The following NCALD variants were observed in gnomAD, a reference collection of about 807,000 sequenced individuals.
NCALD encodes neurocalcin-delta.
A neutral mutation model predicts 18.6 loss-of-function variants in NCALD; 10 were observed. That is an observed-to-expected ratio of 0.54 (90% confidence interval 0.33 to 0.91). The LOEUF is 0.91. NCALD is among the 40% of genes least tolerant of loss of function. NCALD has a pLI of 0.03. For missense variants in NCALD, 184 were observed against 247.6 expected (o/e 0.74, Z 1.72); for synonymous variants, 88 against 87.4 (o/e 1.01, Z -0.04).
chr8:102,001,601 A>G (rs1380135339), intron 2 of NCALD, among the ~76,000 whole-genome samples: 1 of 152,232 alleles, frequency 6.6e-6, no homozygotes, highest in African/African-American at 2.4e-5. Flanking sequence ...GAAATGATGG[A>G]AAAAATGTTA....
At chr8:101,968,160 T>C (rs1820104127) in intron 2 of NCALD, among the ~76,000 whole-genome samples, 1 of 152,156 alleles carries the variant, frequency 6.6e-6, no homozygotes, top group Admixed American at 6.5e-5. Context: ...AGCCCCAAAC[T>C]CTGGAGTCGG....
Position 102,098,601 on chromosome 8 carries a change from T to C in NCALD, c.-210+25636A>G, listed in dbSNP as rs547834825. 3.3e-5 allele frequency among the ~76,000 whole-genome samples: 5 copies of C among 152,356 alleles called. No individual in the cohort carries two copies. The South Asian group carries it at 8.3e-4, about 25-fold the overall frequency. ...ACATTCATTTAATCAGCAACCATAA[T>C]TGAGCAACTTTGGTAGGCCTCGTGT... is the stretch of plus-strand genomic sequence containing the variant. On this transcript the variant is annotated intron_variant, in intron 1 of 6. Coordinates refer to the NCALD transcript ENST00000311028.
intron 2 of NCALD, among the ~76,000 whole-genome samples, chr8:101,942,311 A>G (rs945771954): frequency 9.2e-5 from 14 of 152,176 alleles, no homozygotes; most frequent in African/African-American, 3.1e-4. Flanking sequence ...TTCAACACCA[A>G]TCTTGAGGCC....
intron 2 of NCALD, among the ~76,000 whole-genome samples, chr8:101,941,255 C>T (rs1194944719): frequency 2.0e-5 from 3 of 152,178 alleles, no homozygotes; most frequent in Non-Finnish European, 4.4e-5. Flanking sequence ...AACTGTTCCA[C>T]CTCAGATAAT....
chr8:102,016,303 C>A (rs934514599), intron 2 of NCALD, among the ~76,000 whole-genome samples: 1 of 152,168 alleles, frequency 6.6e-6, no homozygotes, highest in South Asian at 2.1e-4. Context: ...AGCAGGAACA[C>A]TAACAAAGCC....
intron 1 of NCALD, among the ~76,000 whole-genome samples, chr8:101,758,151 T>C (rs1331557676): frequency 6.6e-6 from 1 of 152,162 alleles, no homozygotes; most frequent in Non-Finnish European, 1.5e-5. Flanking sequence ...AAATCCCCAC[T>C]GTCTTCAATG....
At chr8:102,068,260 T>C (rs1055233286) in intron 1 of NCALD, among the ~76,000 whole-genome samples, 9 of 152,186 alleles carry the variant, frequency 5.9e-5, no homozygotes, top group Non-Finnish European at 1.0e-4. Context: ...CCTCCTTGGC[T>C]GCCCAGTGCA....
At chr8:102,108,369 A>G (rs1001048502) in intron 1 of NCALD, among the ~76,000 whole-genome samples, 2 of 152,218 alleles carry the variant, frequency 1.3e-5, no homozygotes, top group Non-Finnish European at 2.9e-5. Context: ...TGAAAAGTGT[A>G]GTTATTTAGA....
At chr8:101,992,953 AAAGT>A (rs1274629418) in intron 2 of NCALD, among the ~76,000 whole-genome samples, 1 of 150,614 alleles carries the variant, frequency 6.6e-6, no homozygotes, top group Non-Finnish European at 1.5e-5. Flanking sequence ...CAAAATAAAA[AAAGT>A]AAGGCACAAA....
intron 4 of NCALD, among the ~76,000 whole-genome samples, chr8:101,833,746 A>G (rs1181512436): frequency 1.3e-5 from 2 of 152,092 alleles, no homozygotes; most frequent in Admixed American, 1.3e-4. Flanking sequence ...AAAAAGAAAA[A>G]GAGAAAAAAG....
At chr8:101,873,799 C>T (rs1470685941) in intron 4 of NCALD, among the ~76,000 whole-genome samples, 3 of 152,158 alleles carry the variant, frequency 2.0e-5, no homozygotes, top group Non-Finnish European at 4.4e-5. Flanking sequence ...TATGAATCAC[C>T]AGGCTAAGAT....
At chr8:102,004,593 C>T (rs1297231719) in intron 2 of NCALD, among the ~76,000 whole-genome samples, 1 of 152,140 alleles carries the variant, frequency 6.6e-6, no homozygotes, top group African/African-American at 2.4e-5. Flanking sequence ...GCCAAAAGAA[C>T]AAAGCTGGAG....
rs915878684 is a variant in NCALD, at chr8:101,996,351, G to C, written c.-157+23886C>G. On this transcript the variant is annotated intron_variant, in intron 2 of 6. Transcript: ENST00000311028. ...GATGAAAAGCCAGTCTTGTTGCTGG[G>C]CACTTCTACACATCAAGTATAATTC... 5.9e-5 allele frequency among the ~76,000 whole-genome samples: 9 copies of C among 152,292 alleles called. No homozygotes were observed. The East Asian group carries it at 1.7e-3, about 29-fold the overall frequency.
At chr8:101,836,100 C>A (rs190239244) in intron 4 of NCALD, among the ~76,000 whole-genome samples, 1 of 151,942 alleles carries the variant, frequency 6.6e-6, no homozygotes, top group Admixed American at 6.6e-5. Context: ...CTGGGGTTTG[C>A]GGAGGCCTCT....
chr8:101,710,677 C>T (rs934618869), intron 2 of NCALD, among the ~76,000 whole-genome samples: 3 of 152,242 alleles, frequency 2.0e-5, no homozygotes, highest in African/African-American at 7.2e-5. Context: ...GAGCCCACCG[C>T]AGCACCACAA....
chr8:101,988,157 AAAAAAAAAAAG>A (rs1460335263), intron 2 of NCALD, among the ~76,000 whole-genome samples: 3 of 143,902 alleles, frequency 2.1e-5, no homozygotes, highest in East Asian at 2.0e-4. Flanking sequence ...TCCGTCTCAA[AAAAAAAAAAAG>A]AAAAAAAAAA....
chr8:101,692,319 A>C (rs925982869), intron 3 of NCALD: 1 of 985,396 alleles, frequency 1.0e-6, no homozygotes, highest in Non-Finnish European at 1.2e-6. Context: ...TCTCTGGGAA[A>C]CACAACATCT....
intron 1 of NCALD, among the ~76,000 whole-genome samples, chr8:101,724,884 G>C (rs530877938): frequency 6.6e-6 from 1 of 152,306 alleles, no homozygotes; most frequent in East Asian, 1.9e-4. Flanking sequence ...TAGAGATTAA[G>C]ACAACAATCC....
At chr8:102,086,612 A>G (rs1824745196) in intron 1 of NCALD, among the ~76,000 whole-genome samples, 1 of 152,100 alleles carries the variant, frequency 6.6e-6, no homozygotes, top group Admixed American at 6.5e-5. Flanking sequence ...AGTCCAATCC[A>G]TCCTCTATAA....
Sources: gnomAD v4.1 joint callset for allele counts (sites outside exome capture counted in the v4.1 genomes callset) on GRCh38, gnomAD v4.1.1 for gene constraint, MANE v1.5 for transcripts, NCBI Gene and HGNC (gene_info 2026-07-23, HGNC 2026-07-21) for gene names.